Variants in DNMT3A observed in about 807,000 individuals in gnomAD.
The protein encoded by DNMT3A is DNA methyltransferase 3 alpha.
A neutral mutation model predicts 117.6 loss-of-function variants in DNMT3A; 267 were observed. The observed-to-expected ratio is 2.27, with a 90% CI of 2.05 to 2.51. The LOEUF (loss-of-function observed/expected upper bound fraction) is 2.51, where lower values mean the gene tolerates loss of function less well. DNMT3A is among the 30% of genes most tolerant of loss of function. The probability of loss-of-function intolerance (pLI) is 0.00; values close to 1 mark genes in which losing one functional copy is unlikely to be tolerated. For missense variants in DNMT3A, 1,029 were observed against 1,260.2 expected (o/e 0.82, Z 2.78); for synonymous variants, 432 against 474.8 (o/e 0.91, Z 1.17).
intron 16 of DNMT3A, chr2:25,242,101 A>G (rs1674142543): frequency 4.7e-6 from 1 of 214,614 alleles, no homozygotes; most frequent in Admixed American, 6.2e-5. Context: ...ACTCAACCTG[A>G]ATGTTCCCTG....
Position 25,229,853 on chromosome 2 carries a change from G to T in DNMT3A, c.*4426C>A, listed in dbSNP as rs1413382854. ...TTCCTATAAGAACATCTCCCAGATGGCTCTGCTGAAATATTCCTTCTACTG... is the reference window on the plus strand; with the variant it reads ...TTCCTATAAGAACATCTCCCAGATGTCTCTGCTGAAATATTCCTTCTACTG... On this transcript the variant is annotated 3_prime_UTR_variant, in exon 23 of 23. Coordinates refer to ENST00000321117, the MANE Select transcript of DNMT3A (RefSeq NM_022552.5). The T allele has an allele frequency of 6.6e-6, 1 of 152,224 alleles. No individual in the cohort carries two copies. Among genetic ancestry groups the T allele is most frequent in the Non-Finnish European group, 1.5e-5 (1 of 68,050 alleles). 9.4% of individuals were successfully genotyped at this position (152,224 alleles called of 1,614,324 possible).
intron 6 of DNMT3A, among the ~76,000 whole-genome samples, chr2:25,272,277 G>A (rs964999797): frequency 2.0e-5 from 3 of 152,218 alleles, no homozygotes; most frequent in Admixed American, 6.5e-5. Flanking sequence ...GTGAGCCACT[G>A]CGTCCAGCCC....
chr2:25,341,487 A>C (rs2035448846), intron 1 of DNMT3A, among the ~76,000 whole-genome samples: 1 of 138,332 alleles, frequency 7.2e-6, no homozygotes, highest in Admixed American at 7.0e-5. Flanking sequence ...CCGGCGGTGG[A>C]GGGGCCCCCC....
chr2:25,246,816 G>A (rs748583979), intron 9 of DNMT3A, 40 bp from the exon 10 acceptor site: 1 of 1,604,966 alleles, frequency 6.2e-7, no homozygotes, highest in Non-Finnish European at 8.5e-7. Flanking sequence ...GTCAGGACAG[G>A]CTGGAAGGCA....
At chr2:25,314,204 C>T in intron 1 of DNMT3A, 43 bp from the exon 2 acceptor site, 3 of 1,401,590 alleles carry the variant, frequency 2.1e-6, no homozygotes, top group Non-Finnish European at 2.8e-6. Context: ...AGCACCCCAC[C>T]CTCCCTGGGT....
At chr2:25,312,531 A>G (rs1433766033) in intron 2 of DNMT3A, among the ~76,000 whole-genome samples, 1 of 152,104 alleles carries the variant, frequency 6.6e-6, no homozygotes, top group Admixed American at 6.5e-5. Context: ...ATGTGTCCCT[A>G]GCAGGACCTA....
intron 2 of DNMT3A, 103 bp from the exon 3 acceptor site, chr2:25,300,346 T>A (rs891538160): frequency 1.5e-5 from 20 of 1,302,872 alleles, no homozygotes; most frequent in Non-Finnish European, 2.1e-5. Flanking sequence ...AGCCCCAGCC[T>A]CCTCCTGTCC....
chr2:25,328,855 G>A (rs2034897139), intron 1 of DNMT3A: 1 of 393,638 alleles, frequency 2.5e-6, no homozygotes, highest in Non-Finnish European at 5.4e-6. Context: ...CCAAGGTGAA[G>A]GGGTTGGTGA....
In DNMT3A at chr2:25,257,970, G is replaced by A. The variant is rs180794387; in HGVS notation, c.640-9718C>T. On this transcript the variant is annotated intron_variant, in intron 6 of 22. Transcript: ENST00000321117. The surrounding 1 kb of genome is among the most constrained non-coding windows in gnomAD (Gnocchi z 4.8). ...GGAGAGAGGAGGGGAAGCAGAAGGAGATGGAGGTCAGCTCCCTCGGGGCAT... is the reference window on the plus strand; with the variant it reads ...GGAGAGAGGAGGGGAAGCAGAAGGAAATGGAGGTCAGCTCCCTCGGGGCAT... 1.1e-4 allele frequency among the ~76,000 whole-genome samples: 16 copies of A among 152,346 alleles called. No individual in the cohort carries two copies. In the East Asian group the frequency reaches 2.7e-3, roughly 26 times the overall value.
rs1672878381 is a variant in DNMT3A, at chr2:25,231,327, C to T, written c.*2952G>A. ...CTGAGGGGGCAGAGGCTCCCTTCCTCGCTGCTCCAGCCCCACAGCAGCCCA... is the reference window on the plus strand; with the variant it reads ...CTGAGGGGGCAGAGGCTCCCTTCCTTGCTGCTCCAGCCCCACAGCAGCCCA... On this transcript the variant is annotated 3_prime_UTR_variant, in exon 23 of 23. Transcript: ENST00000321117. 1.3e-5 allele frequency: 2 copies of T among 152,316 alleles called. No individual in the cohort carries two copies. The highest frequency in any genetic ancestry group is 6.5e-5 in the Admixed American group (1 of 15,282). 9.4% of individuals were successfully genotyped at this position (152,316 alleles called of 1,614,324 possible). A position where few individuals can be genotyped will look rare whatever the true frequency, so the allele number is the denominator to read the frequency against.
Position 25,293,642 on chromosome 2 carries a change from A to G in DNMT3A, c.177+6497T>C, listed in dbSNP as rs967870229. The stretch of plus-strand genomic sequence containing the variant: ...TAGCTGCGACCACAGGTGTACCACC[A>G]TACCCAGCTACTATTTATTATATAT... On this transcript the variant is annotated intron_variant, in intron 3 of 22. Transcript: ENST00000321117. The surrounding 1 kb of genome is among the most constrained non-coding windows in gnomAD (Gnocchi z 4.7). Among the ~76,000 whole-genome samples the G allele has an allele frequency of 4.6e-5, 7 of 151,926 alleles. No homozygotes were observed. Among genetic ancestry groups the G allele is most frequent in the South Asian group, 4.2e-4 (2 of 4,816 alleles).
chr2:25,270,986 T>G (rs1271615227), intron 6 of DNMT3A, among the ~76,000 whole-genome samples: 1 of 149,400 alleles, frequency 6.7e-6, no homozygotes, highest in Non-Finnish European at 1.5e-5. Context: ...ATTGTGCCAT[T>G]GCACTCCAGC....
At chr2:25,269,440 C>A (rs1379175180) in intron 6 of DNMT3A, among the ~76,000 whole-genome samples, 1 of 152,182 alleles carries the variant, frequency 6.6e-6, no homozygotes, top group Non-Finnish European at 1.5e-5. Flanking sequence ...CTCTTGGCCT[C>A]AACCCTGAAG....
At chr2:25,317,553 A>G (rs1233582804) in intron 1 of DNMT3A, among the ~76,000 whole-genome samples, 3 of 152,214 alleles carry the variant, frequency 2.0e-5, no homozygotes, top group Admixed American at 6.5e-5. Flanking sequence ...ACTAGGGCTG[A>G]AGAGGATGCT....
intron 3 of DNMT3A, among the ~76,000 whole-genome samples, chr2:25,291,094 G>A (rs1239153335): frequency 6.6e-6 from 1 of 152,166 alleles, no homozygotes; most frequent in Non-Finnish European, 1.5e-5. Context: ...CAGGACAGAG[G>A]GGTGCAAGGA....
At position 25,244,256 on chromosome 2, in the gene DNMT3A, A is replaced by G; in HGVS notation, c.1750T>C (p.Tyr584His). Reference sequence around the variant, plus strand: ...TAGGTACCCTTGTGCCCGCACATGTAGCAGTTCCAGGGGTCTTCCTTAATG... The same window carrying G: ...TAGGTACCCTTGTGCCCGCACATGTGGCAGTTCCAGGGGTCTTCCTTAATG... Reference protein sequence around the residue: ...AAIKEDPWNCYMCGHKGTYGL... With the variant: ...AAIKEDPWNCHMCGHKGTYGL... Residue 584 changes from tyrosine (Y) to histidine (H), a missense_variant, in exon 15 of 23, where the codon TAC (tyrosine) becomes CAC (histidine). Physicochemically the swap from Tyr to His is moderately conservative, Grantham distance 83. Coordinates refer to ENST00000321117, the MANE Select transcript of DNMT3A (RefSeq NM_022552.5). The G allele has an allele frequency of 6.2e-7, 1 of 1,613,938 alleles. No homozygotes were observed. Among genetic ancestry groups the G allele is most frequent in the Non-Finnish European group, 8.5e-7 (1 of 1,179,994 alleles).
chr2:25,335,361 T>TGGCAGG, intron 1 of DNMT3A, among the ~76,000 whole-genome samples: 1 of 152,316 alleles, frequency 6.6e-6, no homozygotes, highest in Non-Finnish European at 1.5e-5. Context: ...CCCACTGGCT[T>TGGCAGG]GGCAGGGGCA....
intron 3 of DNMT3A, among the ~76,000 whole-genome samples, chr2:25,295,880 A>G (rs1427801189): frequency 6.6e-6 from 1 of 152,252 alleles, no homozygotes; most frequent in African/African-American, 2.4e-5. Context: ...CTCTGTCCTC[A>G]GTGAGGCAGG....
In DNMT3A at chr2:25,296,512, T is replaced by G. The variant is rs760774579; in HGVS notation, c.177+3627A>C. Among the ~76,000 whole-genome samples, 1 of 152,184 alleles carries G rather than the reference T, an allele frequency of 6.6e-6. No individual in the cohort carries two copies. Among genetic ancestry groups the G allele is most frequent in the East Asian group, 1.9e-4 (1 of 5,194 alleles). ...AAAAAATGGAGTCCCGGGGGGTTCC[T>G]GAAGAAGGACGTGCCGGTGCTACAT... is the stretch of plus-strand genomic sequence containing the variant. On this transcript the variant is annotated intron_variant, in intron 3 of 22. Transcript: ENST00000321117. This position sits in a 1 kb window ranked among gnomAD's most constrained non-coding sequence, Gnocchi z 4.2.
Sources: allele counts gnomAD v4.1 joint callset (sites outside exome capture counted in the v4.1 genomes callset), GRCh38; gene constraint gnomAD v4.1.1; non-coding constraint Gnocchi (gnomAD v3.1); transcripts MANE v1.5; gene names NCBI Gene and HGNC (gene_info 2026-07-23, HGNC 2026-07-21).